SND1: variants seen among roughly 807,000 people sequenced by gnomAD.
The protein encoded by SND1 is staphylococcal nuclease domain-containing protein 1.
A neutral mutation model predicts 121.7 loss-of-function variants in SND1; 38 were observed. The observed-to-expected ratio is 0.31, with a 90% CI of 0.24 to 0.41. The LOEUF is 0.41. Ranked by LOEUF, SND1 falls within the 10% of genes least tolerant of loss-of-function variation. The pLI, the probability that SND1 is intolerant of heterozygous loss-of-function variation, is 1.00. For missense variants in SND1, 868 were observed against 1,184.6 expected, an observed-to-expected ratio of 0.73 and a Z score of 3.92; for synonymous variants, 401 against 447.4, an observed-to-expected ratio of 0.90 and a Z score of 1.31.
At chr7:127,756,158 G>A (rs892563295) in intron 10 of SND1, among the ~76,000 whole-genome samples, 1 of 152,178 alleles carries the variant, frequency 6.6e-6, no homozygotes, top group African/African-American at 2.4e-5. Flanking sequence ...CGCTAGAGGA[G>A]CTTTTGTCTT....
intron 16 of SND1, chr7:128,032,242 G>C (rs1229528585): frequency 6.7e-6 from 1 of 148,658 alleles, no homozygotes; most frequent in South Asian, 2.1e-4. Flanking sequence ...CCGGCGCCGC[G>C]CAGCCCCGCG....
chr7:127,956,672 A>G (rs1195307209), intron 15 of SND1, among the ~76,000 whole-genome samples: 2 of 152,212 alleles, frequency 1.3e-5, no homozygotes, highest in Non-Finnish European at 2.9e-5. Flanking sequence ...GGGGCAAGCT[A>G]CAGTTTAGGG....
intron 16 of SND1, among the ~76,000 whole-genome samples, chr7:127,994,564 A>G (rs1181534941): frequency 8.8e-6 from 1 of 113,126 alleles, no homozygotes; most frequent in Admixed American, 1.1e-4. Context: ...AAAAAAAAAA[A>G]AAAAAAAAAA....
chr7:127,975,475 C>T (rs1256335362), intron 15 of SND1, among the ~76,000 whole-genome samples: 2 of 151,398 alleles, frequency 1.3e-5, no homozygotes, highest in African/African-American at 4.9e-5. Flanking sequence ...GATTGACTCC[C>T]CTCTGCTTGC....
chr7:127,730,245 G>A (rs573899980), intron 10 of SND1, among the ~76,000 whole-genome samples: 4 of 152,290 alleles, frequency 2.6e-5, no homozygotes, highest in African/African-American at 9.6e-5. Context: ...GGGATTACAG[G>A]TGTGAGCCAC....
intron 12 of SND1, among the ~76,000 whole-genome samples, chr7:127,882,424 AGGAGG>A (rs1303472797): frequency 1.5e-4 from 8 of 52,612 alleles, no homozygotes; most frequent in South Asian, 7.9e-4. Flanking sequence ...AAAAGAGGAG[AGGAGG>A]GGAGGGGAGG....
chr7:128,091,776 C>T (rs1793784826), intron 22 of SND1, 61 bp from the exon 23 acceptor site: 3 of 1,568,420 alleles, frequency 1.9e-6, no homozygotes, highest in Admixed American at 1.7e-5. Context: ...TCTGCAGGGT[C>T]CTGCTGGCTG....
chr7:128,081,151 C>T (rs62483980), intron 17 of SND1, among the ~76,000 whole-genome samples: 25 of 152,102 alleles, frequency 1.6e-4, no homozygotes, highest in Non-Finnish European at 2.1e-4. Context: ...CGCCCACCAC[C>T]GCACCCAGCT....
chr7:127,813,435 GGTTGTTT>G (rs988495400), intron 11 of SND1, among the ~76,000 whole-genome samples: 27 of 37,938 alleles, frequency 7.1e-4, no homozygotes, highest in Admixed American at 8.2e-4. Flanking sequence ...ATGAGTTTTT[GGTTGTTT>G]GTTGTTGTTG....
intron 1 of SND1, among the ~76,000 whole-genome samples, chr7:127,678,573 A>G (rs2116283700): frequency 6.6e-6 from 1 of 152,226 alleles, no homozygotes; most frequent in Non-Finnish European, 1.5e-5. Flanking sequence ...ACCAAAAAGC[A>G]ATACAAAAAC....
intron 11 of SND1, among the ~76,000 whole-genome samples, chr7:127,837,092 A>G (rs950842706): frequency 2.6e-5 from 4 of 152,222 alleles, no homozygotes; most frequent in Non-Finnish European, 5.9e-5. Flanking sequence ...TTTTTATATC[A>G]TATTTTTTTC....
intron 15 of SND1, among the ~76,000 whole-genome samples, chr7:127,935,612 G>T (rs3808080): frequency 6.6e-6 from 1 of 152,130 alleles, no homozygotes. Flanking sequence ...TGAGGGAGTA[G>T]GCTTGGAGAG....
chr7:127,706,515 C>T (rs990674099), intron 8 of SND1, among the ~76,000 whole-genome samples: 1 of 152,096 alleles, frequency 6.6e-6, no homozygotes, highest in Non-Finnish European at 1.5e-5. Flanking sequence ...GCCTTGGCCT[C>T]CCAAAGTGCT....
intron 10 of SND1, among the ~76,000 whole-genome samples, chr7:127,725,399 A>G (rs1216874347): frequency 6.6e-6 from 1 of 152,118 alleles, no homozygotes. Flanking sequence ...ATGGAAGCTA[A>G]ATTTTAGCTC....
chr7:127,900,878 T>C (rs1800217328), intron 13 of SND1, among the ~76,000 whole-genome samples: 1 of 152,222 alleles, frequency 6.6e-6, no homozygotes, highest in African/African-American at 2.4e-5. Flanking sequence ...AGGAGTAGGC[T>C]ATGTTCTGCC....
intron 15 of SND1, among the ~76,000 whole-genome samples, chr7:127,947,254 T>A (rs74479445): frequency 2.2e-4 from 33 of 152,288 alleles, no homozygotes; most frequent in Non-Finnish European, 4.4e-4. Flanking sequence ...AGCATTTAAG[T>A]AATGTAGTTT....
At chr7:127,731,397 A>G (rs1374362260) in intron 10 of SND1, among the ~76,000 whole-genome samples, 14 of 152,200 alleles carry the variant, frequency 9.2e-5, no homozygotes, top group Admixed American at 8.5e-4. Context: ...TATAAAGGGG[A>G]AAGAAGCTAG....
intron 20 of SND1, chr7:128,086,488 T>A: frequency 4.0e-6 from 1 of 250,562 alleles, no homozygotes; most frequent in Non-Finnish European, 7.8e-6. Flanking sequence ...CAGACAAGGG[T>A]GAACCCAGAT....
chr7:128,040,732 C>T (rs1792840677), intron 16 of SND1, among the ~76,000 whole-genome samples: 1 of 152,218 alleles, frequency 6.6e-6, no homozygotes, highest in South Asian at 2.1e-4. Flanking sequence ...TTCTGGGTTT[C>T]TTCTTGTATC....
Sources: allele counts gnomAD v4.1 joint callset (sites outside exome capture counted in the v4.1 genomes callset), GRCh38; gene constraint gnomAD v4.1.1; transcripts MANE v1.5; gene names NCBI Gene and HGNC (gene_info 2026-07-23, HGNC 2026-07-21).